Variants in SVOPL observed in about 807,000 individuals in gnomAD.
SVOPL encodes putative transporter SVOPL.
Under a neutral mutation model 61.0 loss-of-function variants are expected in SVOPL, and 60 were observed. That is an observed-to-expected ratio of 0.98 (90% CI 0.80 to 1.22). The LOEUF (loss-of-function observed/expected upper bound fraction) is 1.22. SVOPL is among the 50% of genes most tolerant of loss of function. The pLI, the probability that SVOPL is intolerant of heterozygous loss-of-function variation, is 0.00. For missense variants in SVOPL, 662 were observed against 643.9 expected, an observed-to-expected ratio of 1.03 and a Z score of -0.30; for synonymous variants, 279 against 250.0, an observed-to-expected ratio of 1.12 and a Z score of -1.09.
chr7:138,644,193 C>T (rs1282971697), intron 9 of SVOPL, among the ~76,000 whole-genome samples: 1 of 100,298 alleles, frequency 1.0e-5, no homozygotes, highest in East Asian at 3.3e-4. Context: ...GAGCAAGACT[C>T]CATCAAAAAA....
At chr7:138,629,471 G>T (rs1173385307) in intron 10 of SVOPL, among the ~76,000 whole-genome samples, 7 of 152,260 alleles carry the variant, frequency 4.6e-5, no homozygotes, top group African/African-American at 1.7e-4. Context: ...GACCTCAGGT[G>T]ATCCGCCTGT....
Position 138,689,714 on chromosome 7 carries a change from G to A in SVOPL, c.-34-10635C>T, listed in dbSNP as rs139137916. Among the ~76,000 whole-genome samples, 1,099 of 151,768 alleles carry A rather than the reference G, an allele frequency of 7.2e-3. 16 individuals carry two copies. The highest frequency in any genetic ancestry group is 0.025 in the African/African-American group (1,043 of 41,384). On this transcript the variant is annotated intron_variant, in intron 1 of 15. Coordinates refer to ENST00000674285, the MANE Select transcript of SVOPL (RefSeq NM_001139456.2). ...TCTACTAAAAATACAAAAATTAGCC[G>A]GGCACGGTGGCGCACACCTGTAATC...
chr7:138,648,818 AG>A (rs1329223561), intron 8 of SVOPL, among the ~76,000 whole-genome samples, 193 bp downstream of exon 8: 1 of 151,978 alleles, frequency 6.6e-6, no homozygotes, highest in African/African-American at 2.4e-5. Context: ...GCTACTCGGG[AG>A]GCTGAGGCAG....
intron 7 of SVOPL, among the ~76,000 whole-genome samples, chr7:138,656,217 A>G (rs1801722288): frequency 6.6e-6 from 1 of 152,234 alleles, no homozygotes; most frequent in Non-Finnish European, 1.5e-5. Flanking sequence ...TAAGGTGTGT[A>G]CATTGCTTTT....
chr7:138,650,748 G>T (rs2117030030), intron 7 of SVOPL, among the ~76,000 whole-genome samples: 1 of 131,446 alleles, frequency 7.6e-6, no homozygotes, highest in Non-Finnish European at 1.6e-5. Context: ...AGGAGTTCGA[G>T]GCTGCAGGGA....
At chr7:138,609,096 C>T (rs116858470) in intron 14 of SVOPL, among the ~76,000 whole-genome samples, 3,406 of 152,178 alleles carry the variant, frequency 0.022, 51 homozygotes, top group South Asian at 0.08. Context: ...TGAATAAGAA[C>T]ATTCAGTACC....
At chr7:138,609,530 G>A (rs1257753176) in intron 14 of SVOPL, among the ~76,000 whole-genome samples, 1 of 151,030 alleles carries the variant, frequency 6.6e-6, no homozygotes, top group African/African-American at 2.4e-5. Context: ...GTGGTGGTGA[G>A]CACCTGCAGT....
chr7:138,601,136 C>T (rs1229299509), intron 14 of SVOPL, among the ~76,000 whole-genome samples: 2 of 151,404 alleles, frequency 1.3e-5, no homozygotes, highest in Non-Finnish European at 2.9e-5. Context: ...CCTGTAGTCC[C>T]AGCTACTTGG....
At chr7:138,645,719 G>A (rs748198668) in intron 8 of SVOPL, 23 of 165,282 alleles carry the variant, frequency 1.4e-4, no homozygotes, top group East Asian at 3.1e-4. Flanking sequence ...CAGGCTCCCC[G>A]CCATGGTTCT....
chr7:138,634,791 T>C (rs1215901691), intron 9 of SVOPL, among the ~76,000 whole-genome samples: 2 of 150,702 alleles, frequency 1.3e-5, no homozygotes, highest in East Asian at 3.9e-4. Context: ...GTCAAAACCC[T>C]GTCTTCTCAA....
At chr7:138,602,454 TA>T in intron 14 of SVOPL, among the ~76,000 whole-genome samples, 1 of 16,590 alleles carries the variant, frequency 6.0e-5, no homozygotes, top group Non-Finnish European at 1.2e-4. Flanking sequence ...TATATATATA[TA>T]TATATATATA....
At chr7:138,693,667 G>C (rs888871198) in intron 1 of SVOPL, among the ~76,000 whole-genome samples, 1 of 151,408 alleles carries the variant, frequency 6.6e-6, no homozygotes, top group Non-Finnish European at 1.5e-5. Flanking sequence ...GAGAGAGGGA[G>C]GGAGGGAGCG....
chr7:138,638,046 G>A (rs1800581492), intron 9 of SVOPL, among the ~76,000 whole-genome samples: 1 of 152,124 alleles, frequency 6.6e-6, no homozygotes, highest in African/African-American at 2.4e-5. Context: ...GGTAAATGCA[G>A]GTGGATCACT....
At chr7:138,612,704 T>G (rs112008128) in intron 14 of SVOPL, among the ~76,000 whole-genome samples, 10,327 of 152,014 alleles carry the variant, frequency 0.068, 520 homozygotes, top group Non-Finnish European at 0.098. Flanking sequence ...TAGTAGAAAC[T>G]GGTTTTCACC....
chr7:138,614,301 G>A (rs919094070), intron 14 of SVOPL, among the ~76,000 whole-genome samples: 1 of 151,908 alleles, frequency 6.6e-6, no homozygotes, highest in African/African-American at 2.4e-5. Flanking sequence ...CTGAAAGGCT[G>A]AATGATTTCA....
chr7:138,645,393 C>T (rs996709429), intron 8 of SVOPL, among the ~76,000 whole-genome samples: 7 of 152,206 alleles, frequency 4.6e-5, no homozygotes, highest in Non-Finnish European at 1.0e-4. Context: ...CCGTCTCTCA[C>T]GCCTCACGCA....
chr7:138,629,864 G>T (rs1800092830), intron 10 of SVOPL, among the ~76,000 whole-genome samples, 185 bp downstream of exon 10: 1 of 152,176 alleles, frequency 6.6e-6, no homozygotes, highest in Non-Finnish European at 1.5e-5. Flanking sequence ...CTCTGTCTAT[G>T]TATCCATTTA....
rs557489474 is a variant in SVOPL, at chr7:138,626,715, G to A, written c.1181+635C>T. On this transcript the variant is annotated intron_variant, in intron 12 of 15. Transcript: ENST00000674285. ...TTTTCAATTGGCCCAGCATGGTGGT[G>A]TGTGCCTGTAGTCCTAGCTATTCAA... Among the ~76,000 whole-genome samples the A allele has an allele frequency of 7.9e-5, 12 of 152,112 alleles. 1 individual carries two copies. Among genetic ancestry groups the A allele is most frequent in the Admixed American group, 7.9e-4 (12 of 15,266 alleles).
At chr7:138,621,846 G>C (rs150986052) in intron 13 of SVOPL, among the ~76,000 whole-genome samples, 3,402 of 58,596 alleles carry the variant, frequency 0.058, 255 homozygotes, top group Middle Eastern at 0.074. Flanking sequence ...ATCTATCTAT[G>C]TATCTATCTA....
Sources: allele counts gnomAD v4.1 joint callset (sites outside exome capture counted in the v4.1 genomes callset), GRCh38; gene constraint gnomAD v4.1.1; transcripts MANE v1.5; gene names NCBI Gene and HGNC (gene_info 2026-07-23, HGNC 2026-07-21).